Variants in EDA observed in about 807,000 individuals in gnomAD.
EDA encodes ectodysplasin A.
EDA carries 2 observed loss-of-function variants against 23.6 expected under a neutral mutation model. That is an observed-to-expected ratio of 0.08 (90% CI 0.03 to 0.27). The LOEUF is 0.27. Among genes scored for constraint, EDA ranks in the 10% least tolerant of loss-of-function variants. The pLI, the probability that EDA is intolerant of heterozygous loss-of-function variation, is 1.00. For missense variants in EDA, 229 were observed against 324.2 expected (o/e 0.71, Z 2.26); for synonymous variants, 131 against 132.0 (o/e 0.99, Z 0.05).
intron 1 of EDA, among the ~76,000 whole-genome samples, chrX:69,627,311 T>G (rs776995661): frequency 5.4e-5 from 6 of 111,390 alleles, no homozygotes; most frequent in Non-Finnish European, 1.1e-4. Flanking sequence ...TCCCTGCCTC[T>G]CTCTCTGCTT....
intron 1 of EDA, among the ~76,000 whole-genome samples, chrX:69,723,509 A>G (rs975335442): frequency 8.9e-6 from 1 of 112,149 alleles, no homozygotes. Context: ...TATAGTGCCC[A>G]ACCCATTCAG....
chrX:69,896,543 A>G (rs2018019556), intron 1 of EDA, among the ~76,000 whole-genome samples: 1 of 111,136 alleles, frequency 9.0e-6, no homozygotes, highest in African/African-American at 3.3e-5. Flanking sequence ...AACATGTACC[A>G]TATTATTTCA....
At position 69,746,970 on chromosome X, in the gene EDA, C is replaced by CTA. The variant is rs746638020; in HGVS notation, c.396+130268_396+130269dup. Among the ~76,000 whole-genome samples the CTA allele has an allele frequency of 2.7e-5, 3 of 111,585 alleles. No homozygotes were observed. The South Asian group carries it at 1.1e-3, about 42-fold the overall frequency. Reference sequence around the variant, plus strand: ...TTTAACACTCTAGCAGAGGCATCCTCTATGCACTGCAGTGAATAGCAGCTT... The same window carrying CTA: ...TTTAACACTCTAGCAGAGGCATCCTCTATATGCACTGCAGTGAATAGCAGCTT... On this transcript the variant is annotated intron_variant, in intron 1 of 7. Coordinates refer to ENST00000374552, the MANE Select transcript of EDA (RefSeq NM_001399.5).
intron 1 of EDA, among the ~76,000 whole-genome samples, chrX:69,814,736 C>T (rs2016037960): frequency 8.9e-6 from 1 of 111,919 alleles, no homozygotes; most frequent in South Asian, 3.8e-4. Context: ...CACACAGGAG[C>T]AGCACAGAAC....
At chrX:69,979,815 G>T (rs1223125558) in intron 2 of EDA, among the ~76,000 whole-genome samples, 1 of 111,426 alleles carries the variant, frequency 9.0e-6, no homozygotes, top group East Asian at 2.8e-4. Flanking sequence ...CCAATATTTT[G>T]TCTCATTCTG....
intron 1 of EDA, among the ~76,000 whole-genome samples, chrX:69,752,396 T>A (rs2013918645): frequency 8.9e-6 from 1 of 111,945 alleles, no homozygotes; most frequent in Non-Finnish European, 1.9e-5. Context: ...TTTGCGTACG[T>A]TGAACCAGCC....
chrX:69,670,181 C>CTTTTTTT, intron 1 of EDA: 6 of 189,534 alleles, frequency 3.2e-5, no homozygotes, highest in Non-Finnish European at 5.0e-5. Context: ...TCTTGGCTGA[C>CTTTTTTT]TGTTTTTTTT....
chrX:69,665,270 A>C (rs1326031287), intron 1 of EDA, among the ~76,000 whole-genome samples: 1 of 111,654 alleles, frequency 9.0e-6, no homozygotes, highest in Admixed American at 9.5e-5. Context: ...CTGCCATTTC[A>C]TTTTGTTGAT....
intron 1 of EDA, among the ~76,000 whole-genome samples, chrX:69,750,885 T>A (rs951497466): frequency 3.6e-5 from 4 of 111,912 alleles, no homozygotes; most frequent in African/African-American, 6.5e-5. Context: ...ATTTTTTTCT[T>A]ATAAATTTGT....
chrX:69,828,691 C>A (rs186705874), intron 1 of EDA, among the ~76,000 whole-genome samples: 3 of 112,198 alleles, frequency 2.7e-5, no homozygotes, highest in African/African-American at 9.7e-5. Context: ...AGCTGTAGAC[C>A]GGAGCTGTTC....
intron 1 of EDA, among the ~76,000 whole-genome samples, chrX:69,706,926 C>T (rs760035994): frequency 3.6e-5 from 4 of 111,556 alleles, no homozygotes; most frequent in Admixed American, 9.5e-5. Context: ...TTAAAGTGCC[C>T]TGGCCTAGGA....
intron 1 of EDA, among the ~76,000 whole-genome samples, chrX:69,880,867 G>A (rs2147619955): frequency 8.9e-6 from 1 of 112,031 alleles, no homozygotes; most frequent in East Asian, 2.8e-4. Flanking sequence ...GAGATGCAAT[G>A]TCATGCCCCT....
intron 1 of EDA, chrX:69,670,222 A>G: frequency 3.2e-6 from 1 of 317,366 alleles, no homozygotes. Context: ...CTTTGACTAC[A>G]TCATTTCATT....
chrX:69,625,993 G>A (rs1489247133), intron 1 of EDA, among the ~76,000 whole-genome samples: 1 of 110,952 alleles, frequency 9.0e-6, no homozygotes, highest in Non-Finnish European at 1.9e-5. Flanking sequence ...ACAAAAAAAT[G>A]AGCAAAAGAT....
At chrX:69,675,730 G>T (rs1372578069) in intron 1 of EDA, among the ~76,000 whole-genome samples, 1 of 111,468 alleles carries the variant, frequency 9.0e-6, no homozygotes, top group African/African-American at 3.3e-5. Flanking sequence ...CAATAGTCTA[G>T]TGGAGGAAGA....
chrX:69,811,799 T>C (rs2015963819), intron 1 of EDA, among the ~76,000 whole-genome samples: 3 of 112,124 alleles, frequency 2.7e-5, no homozygotes, highest in Non-Finnish European at 3.8e-5. Flanking sequence ...GTGAAGAGAA[T>C]GGCAAGTATC....
At chrX:69,821,139 G>C (rs1156612104) in intron 1 of EDA, among the ~76,000 whole-genome samples, 2 of 106,685 alleles carry the variant, frequency 1.9e-5, no homozygotes, top group Non-Finnish European at 3.8e-5. Flanking sequence ...CACAGGAACA[G>C]AAAATAAACA....
intron 1 of EDA, chrX:69,729,179 G>A (rs1010941334): frequency 1.8e-5 from 2 of 111,055 alleles, no homozygotes; most frequent in Non-Finnish European, 3.8e-5. Flanking sequence ...AAAGAAAGCA[G>A]TAAGTAGTGA....
At chrX:69,647,325 TC>T (rs760345699) in intron 1 of EDA, among the ~76,000 whole-genome samples, 2 of 111,485 alleles carry the variant, frequency 1.8e-5, no homozygotes, top group African/African-American at 6.5e-5. Context: ...TCTTTTAGGT[TC>T]CCCAGTCGTA....
Sources: gnomAD v4.1 joint callset for allele counts (sites outside exome capture counted in the v4.1 genomes callset) on GRCh38, gnomAD v4.1.1 for gene constraint, MANE v1.5 for transcripts, NCBI Gene and HGNC (gene_info 2026-07-23, HGNC 2026-07-21) for gene names.